Variants in SBF2 observed in about 807,000 individuals in gnomAD.
The protein encoded by SBF2 is myotubularin-related protein 13.
SBF2 carries 112 observed loss-of-function variants against 225.2 expected under a neutral mutation model. The ratio of observed to expected loss-of-function variants is 0.50; its 90% CI spans 0.43 to 0.58. SBF2 has a LOEUF of 0.58. SBF2 is among the 20% of genes least tolerant of loss of function. The pLI, the probability that SBF2 is intolerant of heterozygous loss-of-function variation, is 0.00. For synonymous variants in SBF2, 763 were observed against 773.3 expected, an observed-to-expected ratio of 0.99 and a Z score of 0.22; for missense variants, 1,996 against 2,206.2, an observed-to-expected ratio of 0.90 and a Z score of 1.91.
At chr11:10,125,108 CA>C (rs374673085) in intron 2 of SBF2, among the ~76,000 whole-genome samples, 1,550 of 102,452 alleles carry the variant, frequency 0.015, 32 homozygotes, top group African/African-American at 0.055. Flanking sequence ...GACTGTGTCT[CA>C]AAAAAAAAAA....
At position 10,206,133 on chromosome 11, in the gene SBF2, C is replaced by G. The variant is rs78000277; in HGVS notation, c.56-12146G>C. The stretch of plus-strand genomic sequence containing the variant: ...ACAAAGTAGCCTGGTCCAGCAAAAC[C>G]TCTTTGTCCCTGTAGCCTGAGAGTC... On this transcript the variant is annotated intron_variant, in intron 1 of 39. Coordinates refer to ENST00000256190, the MANE Select transcript of SBF2 (RefSeq NM_030962.4). Among the ~76,000 whole-genome samples the G allele has an allele frequency of 3.2e-3, 484 of 151,368 alleles. 3 individuals carry two copies. The highest frequency in any genetic ancestry group is 0.011 in the African/African-American group (461 of 41,316).
chr11:10,030,405 T>C (rs1225978284), intron 4 of SBF2, among the ~76,000 whole-genome samples: 1 of 152,216 alleles, frequency 6.6e-6, no homozygotes, highest in Non-Finnish European at 1.5e-5. Flanking sequence ...TAGCAAAATT[T>C]GTGACTCTGA....
At chr11:10,248,858 G>A (rs574341915) in intron 1 of SBF2, among the ~76,000 whole-genome samples, 14 of 152,334 alleles carry the variant, frequency 9.2e-5, no homozygotes, top group Admixed American at 7.8e-4. Flanking sequence ...GGCTTTGGGA[G>A]GCCGAGGTGG....
chr11:10,015,256 C>T (rs1187479612), intron 6 of SBF2, among the ~76,000 whole-genome samples: 2 of 151,954 alleles, frequency 1.3e-5, no homozygotes, highest in South Asian at 2.1e-4. Flanking sequence ...ATAGGGACTC[C>T]GGATGAATTT....
At chr11:9,852,803 A>C in intron 20 of SBF2, 54 bp from the exon 21 acceptor site, 1 of 1,299,108 alleles carries the variant, frequency 7.7e-7, no homozygotes, top group Non-Finnish European at 1.1e-6. Context: ...CAGGATAAAA[A>C]CAAATTCTGG....
intron 2 of SBF2, among the ~76,000 whole-genome samples, chr11:10,057,203 T>C (rs969316471): frequency 2.9e-4 from 44 of 152,080 alleles, no homozygotes; most frequent in African/African-American, 1.1e-3. Flanking sequence ...GACTGTTACA[T>C]GGGTGCCTGT....
chr11:9,832,497 G>C, intron 26 of SBF2, 77 bp from the exon 27 acceptor site: 2 of 1,001,084 alleles, frequency 2.0e-6, no homozygotes, highest in Non-Finnish European at 1.6e-6. Context: ...GGAAATGAGA[G>C]AAGAGGGAGA....
intron 39 of SBF2, 122 bp from the exon 40 acceptor site, chr11:9,780,638 A>G (rs1203014905): frequency 1.3e-6 from 1 of 790,266 alleles, no homozygotes; most frequent in African/African-American, 1.7e-5. Context: ...GTCTGTATGA[A>G]TTTTTCTTCC....
chr11:10,141,203 T>A (rs1954624667), intron 2 of SBF2, among the ~76,000 whole-genome samples: 1 of 152,208 alleles, frequency 6.6e-6, no homozygotes, highest in African/African-American at 2.4e-5. Context: ...AAAAGGTTTA[T>A]AACAGTGTTT....
At position 9,779,163 on chromosome 11, in the gene SBF2, C is replaced by T. The variant is rs886048774; in HGVS notation, c.*1255G>A. 4.6e-5 allele frequency: 7 copies of T among 152,536 alleles called. No homozygotes were observed. The East Asian group carries it at 1.2e-3, about 25-fold the overall frequency. 9.4% of individuals were successfully genotyped at this position (152,536 alleles called of 1,614,324 possible). Reference sequence around the variant, plus strand: ...AGTATTTTTATTTTTTAAAAGGGAACCATTTCATTATTGAAATCTTATGAA... The same window carrying T: ...AGTATTTTTATTTTTTAAAAGGGAATCATTTCATTATTGAAATCTTATGAA... On this transcript the variant is annotated 3_prime_UTR_variant, in exon 40 of 40. Transcript: ENST00000256190.
intron 1 of SBF2, among the ~76,000 whole-genome samples, chr11:10,281,195 T>A (rs749872581): frequency 1.3e-5 from 2 of 152,202 alleles, no homozygotes; most frequent in African/African-American, 2.4e-5. Context: ...AGAGGGTAGC[T>A]ATCCAGGTCT....
intron 2 of SBF2, among the ~76,000 whole-genome samples, chr11:10,129,796 G>A (rs910481286): frequency 3.9e-5 from 6 of 152,034 alleles, no homozygotes; most frequent in Admixed American, 3.3e-4. Context: ...TTGAGGCCAC[G>A]AGTTCAAGAC....
intron 2 of SBF2, among the ~76,000 whole-genome samples, chr11:10,147,014 C>A (rs1954919070): frequency 6.6e-6 from 1 of 150,478 alleles, no homozygotes; most frequent in Admixed American, 6.6e-5. Context: ...CAATGAGATA[C>A]CATCTCACAC....
intron 1 of SBF2, among the ~76,000 whole-genome samples, chr11:10,211,559 T>C (rs113665381): frequency 3.3e-4 from 51 of 152,334 alleles, no homozygotes; most frequent in African/African-American, 1.1e-3. Flanking sequence ...GCTGTGTCTT[T>C]AGTGTCTTTA....
At position 9,847,061 on chromosome 11, in the gene SBF2, C is replaced by A; in HGVS notation, c.2829G>T (p.Arg943=). The change falls in exon 23 of 40, where the codon CGG becomes CGT. Residue 943 remains arginine (R), a synonymous_variant. Transcript: ENST00000256190. ...TGGTGATGGAGGCAATGGGAAAGCT[C>A]CGCACAACTGTCTGCTCACCCACTG... ...DQLVGEQTVV[R]SFPIASITKE... 6.2e-7 allele frequency: 1 copy of A among 1,613,792 alleles called. No individual in the cohort carries two copies.
At chr11:9,816,689 C>A (rs1435807324) in intron 29 of SBF2, 151 bp downstream of exon 29, 1 of 523,856 alleles carries the variant, frequency 1.9e-6, no homozygotes, top group Non-Finnish European at 3.2e-6. Context: ...TAAATAAATA[C>A]AAAAGGAGAG....
intron 2 of SBF2, among the ~76,000 whole-genome samples, chr11:10,048,045 A>G (rs997238436): frequency 6.6e-6 from 1 of 152,034 alleles, no homozygotes; most frequent in African/African-American, 2.4e-5. Flanking sequence ...TATTAATACT[A>G]ATCTGGTAAA....
intron 1 of SBF2, among the ~76,000 whole-genome samples, chr11:10,285,039 G>A (rs1223140895): frequency 1.3e-5 from 2 of 152,076 alleles, no homozygotes; most frequent in South Asian, 2.1e-4. Flanking sequence ...GGCCAGTGAG[G>A]TGACTCACGG....
At chr11:9,822,709 TA>T (rs1854840407) in intron 28 of SBF2, among the ~76,000 whole-genome samples, 1 of 152,328 alleles carries the variant, frequency 6.6e-6, no homozygotes, top group East Asian at 1.9e-4. Flanking sequence ...TAGTGTTTCC[TA>T]AGCACTGGTG....
Sources: gnomAD v4.1 joint callset for allele counts (sites outside exome capture counted in the v4.1 genomes callset) on GRCh38, gnomAD v4.1.1 for gene constraint, MANE v1.5 for transcripts, NCBI Gene and HGNC (gene_info 2026-07-23, HGNC 2026-07-21) for gene names.